Variants in IGDCC4 observed in about 807,000 individuals in gnomAD.
IGDCC4 encodes the protein immunoglobulin superfamily DCC subclass member 4.
In IGDCC4, 72 loss-of-function variants were observed where a neutral mutation model predicts 116.6. The observed-to-expected ratio is 0.62, with a 90% CI of 0.51 to 0.75. The LOEUF (loss-of-function observed/expected upper bound fraction) is 0.75, where lower values mean the gene tolerates loss of function less well. IGDCC4 is among the 30% of genes least tolerant of loss of function. The pLI, the probability that IGDCC4 is intolerant of heterozygous loss-of-function variation, is 0.00. For synonymous variants in IGDCC4, 709 were observed against 719.9 expected (o/e 0.98, Z 0.24); for missense variants, 1,501 against 1,662.4 (o/e 0.90, Z 1.69).
At chr15:65,410,085 A>G in intron 3 of IGDCC4, 93 bp downstream of exon 3, 12 of 1,450,954 alleles carry the variant, frequency 8.3e-6, no homozygotes, top group Non-Finnish European at 1.1e-5. Context: ...AGGTAAATGC[A>G]GCTACCTCGA....
At chr15:65,391,447 C>T (rs943913380) in intron 12 of IGDCC4, among the ~76,000 whole-genome samples, 1 of 152,164 alleles carries the variant, frequency 6.6e-6, no homozygotes, top group Non-Finnish European at 1.5e-5. Context: ...GGACAAGTTC[C>T]TTTTCCTCTC....
intron 1 of IGDCC4, among the ~76,000 whole-genome samples, chr15:65,420,894 T>G (rs1329095571): frequency 6.6e-6 from 1 of 152,136 alleles, no homozygotes; most frequent in East Asian, 1.9e-4. Flanking sequence ...ACTTGTCAGT[T>G]TCCCCCTCCA....
At chr15:65,414,810 T>A (rs1438779662) in intron 1 of IGDCC4, among the ~76,000 whole-genome samples, 1 of 152,174 alleles carries the variant, frequency 6.6e-6, no homozygotes, top group Non-Finnish European at 1.5e-5. Flanking sequence ...CCTGACTAAT[T>A]TTTGTATTCT....
intron 1 of IGDCC4, among the ~76,000 whole-genome samples, chr15:65,420,805 T>C (rs1418216215): frequency 6.6e-6 from 1 of 152,178 alleles, no homozygotes; most frequent in Non-Finnish European, 1.5e-5. Flanking sequence ...CTCATCACTT[T>C]CTTCAGGAAG....
At chr15:65,419,829 G>T (rs2063174374) in intron 1 of IGDCC4, among the ~76,000 whole-genome samples, 1 of 152,194 alleles carries the variant, frequency 6.6e-6, no homozygotes, top group Non-Finnish European at 1.5e-5. Context: ...CTCGCCACCT[G>T]TTCACAAAGG....
intron 7 of IGDCC4, among the ~76,000 whole-genome samples, 193 bp downstream of exon 7, chr15:65,395,557 G>A (rs773972945): frequency 3.9e-5 from 6 of 152,190 alleles, no homozygotes; most frequent in Non-Finnish European, 8.8e-5. Flanking sequence ...GAGGGAAGCA[G>A]TGGCCCTTCC....
rs553946566 is a variant in IGDCC4 at position 65,411,338 on chromosome 15, C to G, written c.103G>C (p.Glu35Gln). Residue 35 changes from glutamate (E) to glutamine (Q), a missense_variant, in exon 2 of 20, where the codon GAG becomes CAG. Glu to Gln is a conservative substitution (Grantham distance 29, BLOSUM62 2). Transcript: ENST00000352385. ...ELLLPQETTV[E>Q]LSCGVGPLQV... is the part of the protein sequence containing the mutation. ...AGTGGCCCCACTCCACAGCTCAGCT[C>G]CACAGTCGTCTCCTGGGGCAACAGC... The G allele has an allele frequency of 6.3e-7, 1 of 1,590,578 alleles. No individual in the cohort carries two copies. The highest frequency in any genetic ancestry group is 8.6e-7 in the Non-Finnish European group (1 of 1,165,734).
intron 13 of IGDCC4, 59 bp downstream of exon 13, chr15:65,390,096 C>T: frequency 6.9e-7 from 1 of 1,445,492 alleles, no homozygotes; most frequent in Non-Finnish European, 9.4e-7. Flanking sequence ...GCCTTCCCAC[C>T]ACCACCCCCC....
chr15:65,410,054 G>A, intron 3 of IGDCC4, 124 bp downstream of exon 3: 1 of 1,170,614 alleles, frequency 8.5e-7, no homozygotes, highest in South Asian at 1.4e-5. Flanking sequence ...GTCAGGCGGT[G>A]GTTAACACTC....
chr15:65,397,647 T>C (rs1595783708), intron 5 of IGDCC4, among the ~76,000 whole-genome samples: 1 of 144,308 alleles, frequency 6.9e-6, no homozygotes, highest in Non-Finnish European at 1.5e-5. Flanking sequence ...CTGGGCAACA[T>C]AGTGAGACTC....
intron 1 of IGDCC4, among the ~76,000 whole-genome samples, chr15:65,418,000 C>T (rs894737623): frequency 2.0e-5 from 3 of 152,200 alleles, no homozygotes; most frequent in African/African-American, 7.2e-5. Flanking sequence ...GTGCCTAACA[C>T]ACAGTAGGTG....
chr15:65,392,271 T>C lies in IGDCC4; in HGVS notation c.1985A>G (p.Lys662Arg). The change falls in exon 11 of 20, where the codon AAA becomes AGA. Residue 662 changes from lysine to arginine, a missense_variant. By Grantham distance (26) the Lys-to-Arg change is conservative (BLOSUM62 2). Coordinates refer to ENST00000352385, the MANE Select transcript of IGDCC4 (RefSeq NM_020962.3). ...PPHPTQISGY[K>R]LYWREVGAEE... ...AGCCCCCACCTCCCGCCAATATAGT[T>C]TGTAGCCAGAGATCTGGGTGGGGTG... The C allele has an allele frequency of 6.2e-7, 1 of 1,609,356 alleles. No homozygotes were observed. The highest frequency in any genetic ancestry group is 8.5e-7 in the Non-Finnish European group (1 of 1,177,424).
chr15:65,403,180 C>T (rs1208689549), intron 3 of IGDCC4, among the ~76,000 whole-genome samples: 2 of 152,232 alleles, frequency 1.3e-5, no homozygotes, highest in African/African-American at 4.8e-5. Flanking sequence ...TGGGAACTGG[C>T]TAAATTTGTT....
chr15:65,384,149 T>A lies in IGDCC4; in HGVS notation c.3613A>T (p.Ser1205Cys). 1 of 1,613,544 alleles carries A rather than the reference T, an allele frequency of 6.2e-7. No individual in the cohort carries two copies. Among genetic ancestry groups the A allele is most frequent in the East Asian group, 2.2e-5 (1 of 44,852 alleles). Reference protein sequence around the residue: ...DRLTCLPEAASASCSYPDLQP... With the variant: ...DRLTCLPEAACASCSYPDLQP... The stretch of plus-strand genomic sequence containing the variant: ...AGGTCCGGGTAGGAGCAGGAAGCAC[T>A]GGCTGCCTCTGGCAAGCAGGTAAGT... The change falls in exon 20 of 20, where the codon AGT becomes TGT. Residue 1205 changes from serine to cysteine, a missense_variant. By Grantham distance (112) the Ser-to-Cys change is moderately radical. Coordinates refer to ENST00000352385, the MANE Select transcript of IGDCC4 (RefSeq NM_020962.3). The surrounding 1 kb of genome is among the most constrained non-coding windows in gnomAD (Gnocchi z 4.9).
intron 1 of IGDCC4, among the ~76,000 whole-genome samples, chr15:65,416,837 A>AC (rs2063149698): frequency 6.6e-6 from 1 of 152,060 alleles, no homozygotes; most frequent in Non-Finnish European, 1.5e-5. Flanking sequence ...AGATTATTTT[A>AC]CCCACTTACA....
In IGDCC4 at chr15:65,383,932, TG is replaced by T; in HGVS notation, c.*76del. The T allele has an allele frequency of 7.4e-7, 1 of 1,356,634 alleles. No homozygotes were observed. Among genetic ancestry groups the T allele is most frequent in the Non-Finnish European group, 9.9e-7 (1 of 1,008,774 alleles). The allele number at this position is 1,356,634 out of a possible 1,614,324, so 84.0% of individuals were successfully genotyped here. Reference sequence around the variant, plus strand: ...GATGATGTATCTACAGGCACACATGTGGACATACACGGCCACAGGTATCGCA... The same window carrying T: ...GATGATGTATCTACAGGCACACATGTGACATACACGGCCACAGGTATCGCA... On this transcript the variant is annotated 3_prime_UTR_variant, in exon 20 of 20. Coordinates refer to ENST00000352385, the MANE Select transcript of IGDCC4 (RefSeq NM_020962.3).
At position 65,383,926 on chromosome 15, in the gene IGDCC4, C is replaced by A; in HGVS notation, c.*83G>T. On this transcript the variant is annotated 3_prime_UTR_variant, in exon 20 of 20. Transcript: ENST00000352385. Reference sequence around the variant, plus strand: ...GGGCTTGATGATGTATCTACAGGCACACATGTGGACATACACGGCCACAGG... The same window carrying A: ...GGGCTTGATGATGTATCTACAGGCAAACATGTGGACATACACGGCCACAGG... The A allele has an allele frequency of 1.5e-6, 2 of 1,302,646 alleles. No homozygotes were observed. The highest frequency in any genetic ancestry group is 1.0e-6 in the Non-Finnish European group (1 of 965,160). 80.7% of individuals were successfully genotyped at this position (1,302,646 alleles called of 1,614,324 possible). A position where few individuals can be genotyped will look rare whatever the true frequency, so the allele number is the denominator to read the frequency against.
At chr15:65,401,001 T>C (rs2062980254) in intron 4 of IGDCC4, 55 bp from the exon 5 acceptor site, 1 of 1,610,042 alleles carries the variant, frequency 6.2e-7, no homozygotes, top group Non-Finnish European at 8.5e-7. Flanking sequence ...TGCCATGCGA[T>C]ACCTCACCTG....
At chr15:65,392,031 C>G (rs375020219) in intron 11 of IGDCC4, 50 bp from the exon 12 acceptor site, 134 of 1,558,712 alleles carry the variant, frequency 8.6e-5, no homozygotes, top group Middle Eastern at 6.9e-4. Context: ...TGGGGTCACT[C>G]TCCCGTCCAC....
Sources: gnomAD v4.1 joint callset for allele counts (sites outside exome capture counted in the v4.1 genomes callset) on GRCh38, gnomAD v4.1.1 for gene constraint, Gnocchi (gnomAD v3.1) non-coding constraint, MANE v1.5 for transcripts, NCBI Gene and HGNC (gene_info 2026-07-23, HGNC 2026-07-21) for gene names.